Variants in CPQ observed in about 807,000 individuals in gnomAD.
CPQ encodes the protein carboxypeptidase Q.
A neutral mutation model predicts 45.7 loss-of-function variants in CPQ; 37 were observed. The ratio of observed to expected loss-of-function variants is 0.81; its 90% confidence interval spans 0.62 to 1.07. CPQ has a LOEUF of 1.07. CPQ is among the 50% of genes least tolerant of loss of function. The probability of loss-of-function intolerance (pLI) is 0.00; values close to 1 mark genes in which losing one functional copy is unlikely to be tolerated. For synonymous variants in CPQ, 186 were observed against 205.8 expected (o/e 0.90, Z 0.82); for missense variants, 537 against 572.9 (o/e 0.94, Z 0.64).
At position 96,994,402 on chromosome 8, in the gene CPQ, G is replaced by A. The variant is rs1012912473; in HGVS notation, c.961+28356G>A. 3.9e-5 allele frequency among the ~76,000 whole-genome samples: 6 copies of A among 152,148 alleles called. No individual in the cohort carries two copies. In the East Asian group the frequency reaches 1.2e-3, roughly 29 times the overall value. On this transcript the variant is annotated intron_variant, in intron 5 of 7. Transcript: ENST00000220763. Reference sequence around the variant, plus strand: ...CAGCACCAAAGTGAGTGGTCAGTAGGAAGATACTTGGAAGCTGTTAGCAAA... The same window carrying A: ...CAGCACCAAAGTGAGTGGTCAGTAGAAAGATACTTGGAAGCTGTTAGCAAA...
At chr8:96,747,566 C>T (rs1159369396) in intron 1 of CPQ, among the ~76,000 whole-genome samples, 2 of 152,308 alleles carry the variant, frequency 1.3e-5, no homozygotes, top group Non-Finnish European at 1.5e-5. Context: ...AGAGGGTTGT[C>T]TTGGGCAGTC....
At chr8:96,715,255 G>C (rs1437615583) in intron 1 of CPQ, among the ~76,000 whole-genome samples, 2 of 152,140 alleles carry the variant, frequency 1.3e-5, no homozygotes, top group Admixed American at 6.5e-5. Context: ...AACACAGTGA[G>C]TTCTCTGCAG....
rs76070257 is a variant in CPQ, at chr8:96,670,310, ATTTTTTTTTTT to A, written c.-35+24925_-35+24935del. On this transcript the variant is annotated intron_variant, in intron 1 of 7. Transcript: ENST00000220763. ...AGGAACATGTGTATGGAGTGACTCA[ATTTTTTTTTTT>A]TTTTTTTTTTTTTTTTGGCTGTACT... Among the ~76,000 whole-genome samples the A allele has an allele frequency of 1.1e-4, 16 of 144,058 alleles. No individual in the cohort carries two copies. In the South Asian group the frequency reaches 3.1e-3, roughly 28 times the overall value. 94.5% of individuals were successfully genotyped at this position (144,058 alleles called of 152,430 possible).
Position 96,826,862 on chromosome 8 carries a change from A to G in CPQ, c.434-8111A>G, listed in dbSNP as rs148731015. On this transcript the variant is annotated intron_variant, in intron 2 of 7. Transcript: ENST00000220763. ...TTTTCATTGTTCAGCTCCCACTTAT[A>G]AGCGAGAACATGCAGTATTTGATTT... Among the ~76,000 whole-genome samples, 802 of 152,048 alleles carry G rather than the reference A, an allele frequency of 5.3e-3. 5 individuals are homozygous for G. The highest frequency in any genetic ancestry group is 0.013 in the Admixed American group (193 of 15,244).
chr8:96,861,976 A>G (rs1281856111), intron 3 of CPQ, among the ~76,000 whole-genome samples: 1 of 152,122 alleles, frequency 6.6e-6, no homozygotes, highest in African/African-American at 2.4e-5. Flanking sequence ...CTAACTGGCC[A>G]TGGAAAATTG....
chr8:96,964,886 T>A (rs561386423), intron 4 of CPQ, among the ~76,000 whole-genome samples: 1 of 152,180 alleles, frequency 6.6e-6, no homozygotes, highest in Non-Finnish European at 1.5e-5. Flanking sequence ...AAGATACATT[T>A]TTTTTCAAAC....
intron 7 of CPQ, among the ~76,000 whole-genome samples, chr8:97,102,283 C>T (rs1811326114): frequency 6.6e-6 from 1 of 152,152 alleles, no homozygotes; most frequent in Non-Finnish European, 1.5e-5. Flanking sequence ...GAAAGAAGCT[C>T]TTAGAAACCA....
intron 1 of CPQ, among the ~76,000 whole-genome samples, chr8:96,673,958 ATTAC>A (rs1296958272): frequency 7.1e-6 from 1 of 140,620 alleles, no homozygotes; most frequent in Non-Finnish European, 1.5e-5. Context: ...AGACTTTTCT[ATTAC>A]TTGTAAGAAA....
chr8:96,939,160 C>G (rs1356466277), intron 4 of CPQ, among the ~76,000 whole-genome samples: 1 of 152,206 alleles, frequency 6.6e-6, no homozygotes, highest in Admixed American at 6.5e-5. Flanking sequence ...CCTAAGATCA[C>G]TAATACCATC....
At position 96,676,452 on chromosome 8, in the gene CPQ, A is replaced by G. The variant is rs1249117756; in HGVS notation, c.-35+31050A>G. On this transcript the variant is annotated intron_variant, in intron 1 of 7. Coordinates refer to ENST00000220763, the MANE Select transcript of CPQ (RefSeq NM_016134.4). ...TATTTCACTTAACATAACGACCTCC[A>G]TTTCCATCCATGTTGCTGCAAATGA... Among the ~76,000 whole-genome samples the G allele has an allele frequency of 3.9e-5, 6 of 151,956 alleles. No homozygotes were observed. In the South Asian group the frequency reaches 1.0e-3, roughly 26 times the overall value.
intron 1 of CPQ, among the ~76,000 whole-genome samples, chr8:96,671,497 G>C (rs1405263972): frequency 2.0e-5 from 3 of 152,180 alleles, no homozygotes; most frequent in Non-Finnish European, 4.4e-5. Context: ...CTTCACTACA[G>C]TACCAACCAT....
intron 4 of CPQ, among the ~76,000 whole-genome samples, chr8:96,954,596 T>A (rs980766078): frequency 1.3e-5 from 2 of 152,128 alleles, no homozygotes; most frequent in Non-Finnish European, 2.9e-5. Flanking sequence ...TCTGTTATTT[T>A]TTTTATTTAT....
At chr8:96,751,677 A>G (rs1810263875) in intron 1 of CPQ, among the ~76,000 whole-genome samples, 1 of 152,122 alleles carries the variant, frequency 6.6e-6, no homozygotes, top group Non-Finnish European at 1.5e-5. Context: ...TTTTGTTGCA[A>G]TTGCTTTTGG....
chr8:96,753,840 T>C lies in CPQ; in HGVS notation c.-34-31024T>C, dbSNP rs956459633. Among the ~76,000 whole-genome samples the C allele has an allele frequency of 7.2e-5, 11 of 151,996 alleles. No individual in the cohort carries two copies. In the South Asian group the frequency reaches 2.1e-3, roughly 29 times the overall value. ...CTCCTGATTTTAATGAGAGCAGCTT[T>C]AATAATTTGCAGCTAAGAGGTAACT... is the stretch of plus-strand genomic sequence containing the variant. On this transcript the variant is annotated intron_variant, in intron 1 of 7. Transcript: ENST00000220763.
intron 1 of CPQ, among the ~76,000 whole-genome samples, chr8:96,676,987 G>T (rs1458752792): frequency 1.3e-5 from 2 of 151,858 alleles, no homozygotes; most frequent in African/African-American, 2.4e-5. Context: ...CATCTAACTT[G>T]CTGCAAAGAC....
intron 4 of CPQ, among the ~76,000 whole-genome samples, chr8:96,947,499 G>A (rs932147664): frequency 1.3e-5 from 2 of 152,054 alleles, no homozygotes; most frequent in East Asian, 1.9e-4. Flanking sequence ...GAAGTGTGAT[G>A]TTTCCAGCTT....
In CPQ at chr8:96,724,490, GACACAC is replaced by G. The variant is rs146087978; in HGVS notation, c.-34-60343_-34-60338del. 2.4e-3 allele frequency among the ~76,000 whole-genome samples: 346 copies of G among 144,686 alleles called. 3 individuals carry two copies. The highest frequency in any genetic ancestry group is 0.011 in the Admixed American group (164 of 14,370). The allele number at this position is 144,686 out of a possible 152,430, so 94.9% of individuals were successfully genotyped here. ...CAAGAATGCAGTCCCATTTAGAGTA[GACACAC>G]ACACACACACACACACACACACACA... On this transcript the variant is annotated intron_variant, in intron 1 of 7. Coordinates refer to ENST00000220763, the MANE Select transcript of CPQ (RefSeq NM_016134.4).
Position 96,825,363 on chromosome 8 carries a change from A to G in CPQ, c.434-9610A>G, listed in dbSNP as rs537837311. ...GGGGAGAACACCACACAGATTTTGA[A>G]TATGAAGCTAACACCATGGGTTTGG... On this transcript the variant is annotated intron_variant, in intron 2 of 7. Coordinates refer to ENST00000220763, the MANE Select transcript of CPQ (RefSeq NM_016134.4). Among the ~76,000 whole-genome samples the G allele has an allele frequency of 1.3e-5, 2 of 152,134 alleles. 1 individual carries two copies. Among genetic ancestry groups the G allele is most frequent in the South Asian group, 4.2e-4 (2 of 4,814 alleles).
At chr8:97,079,506 G>A (rs1398045998) in intron 7 of CPQ, among the ~76,000 whole-genome samples, 2 of 152,184 alleles carry the variant, frequency 1.3e-5, no homozygotes, top group Non-Finnish European at 2.9e-5. Flanking sequence ...AAATGAGGCA[G>A]TTGGGAATCA....
Sources: gnomAD v4.1 joint callset for allele counts (sites outside exome capture counted in the v4.1 genomes callset) on GRCh38, gnomAD v4.1.1 for gene constraint, MANE v1.5 for transcripts, NCBI Gene and HGNC (gene_info 2026-07-23, HGNC 2026-07-21) for gene names.